CNTN5: variants seen among roughly 807,000 people sequenced by gnomAD.
CNTN5 encodes the protein contactin 5.
In CNTN5, 77 loss-of-function variants were observed where a neutral mutation model predicts 129.1. That is an observed-to-expected ratio of 0.60 (90% CI 0.50 to 0.72). CNTN5 has a LOEUF of 0.72. Among genes scored for constraint, CNTN5 ranks in the 30% least tolerant of loss-of-function variants. The pLI is 0.00. For synonymous variants in CNTN5, 509 were observed against 465.6 expected, an observed-to-expected ratio of 1.09 and a Z score of -1.20; for missense variants, 1,478 against 1,328.8, an observed-to-expected ratio of 1.11 and a Z score of -1.75.
intron 16 of CNTN5, among the ~76,000 whole-genome samples, chr11:100,234,792 T>TTAAAAAAAAAA (rs1555046110): frequency 9.8e-6 from 1 of 102,060 alleles, no homozygotes; most frequent in Non-Finnish European, 1.9e-5. Context: ...TCCCAGAATT[T>TTAAAAAAAAAA]AAAAAAAAAA....
intron 10 of CNTN5, among the ~76,000 whole-genome samples, chr11:100,066,618 T>C (rs1943705570): frequency 6.6e-6 from 1 of 152,114 alleles, no homozygotes; most frequent in Non-Finnish European, 1.5e-5. Context: ...GCCATATGTC[T>C]CTTCAGTTTT....
In CNTN5 at chr11:99,380,419, A is replaced by T. The variant is rs187855805; in HGVS notation, c.-71+54935A>T. 2.1e-4 allele frequency among the ~76,000 whole-genome samples: 32 copies of T among 152,348 alleles called. No individual in the cohort carries two copies. The East Asian group carries it at 6.2e-3, about 29-fold the overall frequency. Reference sequence around the variant, plus strand: ...ACCTTTTTGTAAATGAGCAATGATCATTACACTGTTTCTACTATTAACTTA... The same window carrying T: ...ACCTTTTTGTAAATGAGCAATGATCTTTACACTGTTTCTACTATTAACTTA... On this transcript the variant is annotated intron_variant, in intron 2 of 24. Transcript: ENST00000524871.
intron 3 of CNTN5, among the ~76,000 whole-genome samples, chr11:99,646,218 A>G (rs595719): frequency 0.6 from 90,880 of 151,504 alleles, 28,057 homozygotes; most frequent in Admixed American, 0.69. Context: ...GGAATAAAAA[A>G]TGGAAAAGCC....
chr11:99,371,294 C>T (rs1282037872), intron 2 of CNTN5, among the ~76,000 whole-genome samples: 1 of 151,738 alleles, frequency 6.6e-6, no homozygotes, highest in Non-Finnish European at 1.5e-5. Flanking sequence ...ATTATATACA[C>T]ACAACTTAAA....
intron 2 of CNTN5, among the ~76,000 whole-genome samples, chr11:99,408,638 C>A (rs1376619832): frequency 1.3e-5 from 2 of 151,984 alleles, no homozygotes; most frequent in Non-Finnish European, 2.9e-5. Context: ...TGTAAACATC[C>A]CTTTTAAATT....
At chr11:99,792,304 G>T (rs1175347320) in intron 3 of CNTN5, among the ~76,000 whole-genome samples, 2 of 152,106 alleles carry the variant, frequency 1.3e-5, no homozygotes, top group African/African-American at 4.8e-5. Context: ...TTTTTAATAG[G>T]AAGGGATGTT....
At chr11:99,181,960 T>C (rs1186968115) in intron 1 of CNTN5, among the ~76,000 whole-genome samples, 2 of 152,158 alleles carry the variant, frequency 1.3e-5, no homozygotes, top group Non-Finnish European at 2.9e-5. Context: ...AAAATGACCT[T>C]TAACTCTCCC....
Position 100,061,272 on chromosome 11 carries a change from G to A in CNTN5, c.1041G>A (p.Leu347=). 1 of 1,613,702 alleles carries A rather than the reference G, an allele frequency of 6.2e-7. No individual in the cohort carries two copies. Among genetic ancestry groups the A allele is most frequent in the Non-Finnish European group, 8.5e-7 (1 of 1,179,646 alleles). ...GTTATATTCCTAGTAAGGCACGTCT[G>A]CGGAAATCTCAGGCGGTGCTGGAAA... The part of the protein sequence containing the change: ...VNGYIPSKAR[L]RKSQAVLEIP... The change falls in exon 10 of 25, where the codon CTG becomes CTA. Residue 347 remains leucine (L), a synonymous_variant. Coordinates refer to ENST00000524871, the MANE Select transcript of CNTN5 (RefSeq NM_014361.4).
intron 13 of CNTN5, among the ~76,000 whole-genome samples, chr11:100,177,802 T>G (rs10791233): frequency 0.9 from 137,581 of 152,146 alleles, 62,421 homozygotes; most frequent in East Asian, 0.99. Context: ...GATATTGTTG[T>G]AAGTCCTGTG....
intron 15 of CNTN5, among the ~76,000 whole-genome samples, chr11:100,197,182 C>A (rs547077449): frequency 6.6e-6 from 1 of 151,836 alleles, no homozygotes; most frequent in East Asian, 1.9e-4. Context: ...GAGCTTAGTG[C>A]GTGTTTTGGG....
chr11:100,255,512 A>C (rs923704345), intron 16 of CNTN5, among the ~76,000 whole-genome samples: 15 of 152,324 alleles, frequency 9.8e-5, no homozygotes, highest in Non-Finnish European at 8.8e-5. Context: ...TCTATAAAAT[A>C]TAATGCTAAT....
chr11:100,184,008 G>T (rs1455656884), intron 13 of CNTN5, among the ~76,000 whole-genome samples: 1 of 151,994 alleles, frequency 6.6e-6, no homozygotes, highest in African/African-American at 2.4e-5. Flanking sequence ...AAGTCCCCCT[G>T]CTTTCCCACA....
At chr11:99,772,789 G>C (rs1202158074) in intron 3 of CNTN5, among the ~76,000 whole-genome samples, 1 of 151,998 alleles carries the variant, frequency 6.6e-6, no homozygotes, top group Non-Finnish European at 1.5e-5. Context: ...GAGAGAATGG[G>C]GAAGAAAAGG....
intron 1 of CNTN5, among the ~76,000 whole-genome samples, chr11:99,025,490 T>TTA (rs1252204823): frequency 1.3e-4 from 20 of 151,930 alleles, no homozygotes; most frequent in South Asian, 4.1e-4. Flanking sequence ...GAACATCTCA[T>TTA]CTTCCATTAC....
At chr11:99,238,116 A>G (rs1374570845) in intron 1 of CNTN5, among the ~76,000 whole-genome samples, 1 of 152,228 alleles carries the variant, frequency 6.6e-6, no homozygotes, top group Non-Finnish European at 1.5e-5. Flanking sequence ...ATATTAGGGA[A>G]AGAAAGCACT....
At chr11:99,990,195 T>C (rs1202711754) in intron 8 of CNTN5, among the ~76,000 whole-genome samples, 1 of 152,090 alleles carries the variant, frequency 6.6e-6, no homozygotes, top group Non-Finnish European at 1.5e-5. Flanking sequence ...CCTCAAATGA[T>C]GGTGGAAAGA....
At chr11:99,256,798 T>A (rs1862396319) in intron 1 of CNTN5, among the ~76,000 whole-genome samples, 1 of 151,968 alleles carries the variant, frequency 6.6e-6, no homozygotes, top group Admixed American at 6.6e-5. Flanking sequence ...ATACAAAAAA[T>A]TATTACGCAA....
intron 7 of CNTN5, among the ~76,000 whole-genome samples, chr11:99,923,424 A>G (rs557543457): frequency 1.3e-5 from 2 of 152,338 alleles, no homozygotes; most frequent in South Asian, 4.1e-4. Context: ...CATAAAACCT[A>G]TAAACCTATA....
intron 6 of CNTN5, among the ~76,000 whole-genome samples, chr11:99,855,223 C>G (rs1266628006): frequency 6.6e-6 from 1 of 152,070 alleles, no homozygotes; most frequent in African/African-American, 2.4e-5. Context: ...GTGGGATGAT[C>G]TGTTGAGCCC....
Sources: gnomAD v4.1 joint callset for allele counts (sites outside exome capture counted in the v4.1 genomes callset) on GRCh38, gnomAD v4.1.1 for gene constraint, MANE v1.5 for transcripts, NCBI Gene and HGNC (gene_info 2026-07-23, HGNC 2026-07-21) for gene names.